STRN: variants seen among roughly 807,000 people sequenced by gnomAD.
The protein encoded by STRN is striatin, also known as protein phosphatase 2 regulatory subunit B'''alpha.
In STRN, 53 loss-of-function variants were observed where a neutral mutation model predicts 96.3. The observed-to-expected ratio is 0.55, with a 90% CI of 0.44 to 0.69. The LOEUF (loss-of-function observed/expected upper bound fraction) is 0.69, where lower values mean the gene tolerates loss of function less well. Among genes scored for constraint, STRN ranks in the 30% least tolerant of loss-of-function variants. STRN has a pLI of 0.00. For missense variants in STRN, 987 were observed against 963.9 expected, an observed-to-expected ratio of 1.02 and a Z score of -0.32; for synonymous variants, 428 against 355.9, an observed-to-expected ratio of 1.20 and a Z score of -2.28.
intron 1 of STRN, among the ~76,000 whole-genome samples, chr2:36,946,610 G>C (rs1325569112): frequency 6.6e-6 from 1 of 152,156 alleles, no homozygotes; most frequent in Non-Finnish European, 1.5e-5. Flanking sequence ...ATTGTTAATA[G>C]AATTTCTCTC....
intron 2 of STRN, among the ~76,000 whole-genome samples, chr2:36,922,802 G>C (rs1166285221): frequency 6.6e-6 from 1 of 150,538 alleles, no homozygotes; most frequent in African/African-American, 2.5e-5. Context: ...TGCTATTCAA[G>C]CCTCACCTCC....
At chr2:36,905,470 C>G in intron 4 of STRN, 70 bp downstream of exon 4, 1 of 1,339,334 alleles carries the variant, frequency 7.5e-7, no homozygotes, top group Non-Finnish European at 1.1e-6. Flanking sequence ...TGAAAATACA[C>G]AGTAAAAATA....
At chr2:36,894,183 A>T (rs1282466236) in intron 6 of STRN, 150 bp from the exon 7 acceptor site, 7 of 899,684 alleles carry the variant, frequency 7.8e-6, no homozygotes, top group Non-Finnish European at 9.4e-6. Flanking sequence ...AGTTTTAAAA[A>T]ATATGTACAT....
chr2:36,847,944 G>A lies in STRN; in HGVS notation c.*1512C>T, dbSNP rs1456131602. On this transcript the variant is annotated 3_prime_UTR_variant, in exon 18 of 18. Coordinates refer to ENST00000263918, the MANE Select transcript of STRN (RefSeq NM_003162.4). ...GAGCCTATTTATATGTTTTTTGGTG[G>A]AAAGTTGGACGTTAATAATTTATTT... The A allele has an allele frequency of 6.6e-6, 1 of 152,172 alleles. No homozygotes were observed. Among genetic ancestry groups the A allele is most frequent in the Non-Finnish European group, 1.5e-5 (1 of 68,022 alleles). The allele number at this position is 152,172 out of a possible 1,614,324, so 9.4% of individuals were successfully genotyped here. A position where few individuals can be genotyped will look rare whatever the true frequency, so the allele number is the denominator to read the frequency against.
intron 7 of STRN, among the ~76,000 whole-genome samples, chr2:36,889,630 G>A (rs950430878): frequency 1.7e-5 from 2 of 114,882 alleles, no homozygotes; most frequent in Admixed American, 1.0e-4. Flanking sequence ...GGGGGGGTGG[G>A]GGGGAGTAGA....
chr2:36,865,637 C>A (rs1668602180), intron 12 of STRN, among the ~76,000 whole-genome samples: 1 of 152,154 alleles, frequency 6.6e-6, no homozygotes, highest in Non-Finnish European at 1.5e-5. Context: ...TATCGGCTCA[C>A]TGCAACCTCT....
chr2:36,872,385 C>G (rs527274639), intron 10 of STRN, among the ~76,000 whole-genome samples: 2 of 152,184 alleles, frequency 1.3e-5, no homozygotes, highest in Non-Finnish European at 2.9e-5. Flanking sequence ...AGCTTGAAAG[C>G]AGATCCACCC....
At position 36,966,309 on chromosome 2, in the gene STRN, A is replaced by C; in HGVS notation, c.155T>G (p.Ile52Ser). 1 of 1,569,928 alleles carries C rather than the reference A, an allele frequency of 6.4e-7. No individual in the cohort carries two copies. Among genetic ancestry groups the C allele is most frequent in the Non-Finnish European group, 8.6e-7 (1 of 1,160,704 alleles). The part of the protein sequence containing the change: ...AARAQYSLPG[I>S]LHFLQHEWAR... The stretch of plus-strand genomic sequence containing the variant: ...CCACTCGTGCTGCAGGAAGTGCAGG[A>C]TCCCCGGGAGACTGTACTGGGCTCG... The change falls in exon 1 of 18, where the codon ATC becomes AGC. Residue 52 changes from isoleucine (I) to serine (S), a missense_variant. By Grantham distance (142) the Ile-to-Ser change is moderately radical. Coordinates refer to ENST00000263918, the MANE Select transcript of STRN (RefSeq NM_003162.4).
At position 36,839,641 on chromosome 2, in the gene STRN, A is replaced by C. The variant is rs1214167019; in HGVS notation, c.*9815T>G. Among the ~76,000 whole-genome samples the C allele has an allele frequency of 6.6e-6, 1 of 152,178 alleles. No homozygotes were observed. Among genetic ancestry groups the C allele is most frequent in the Non-Finnish European group, 1.5e-5 (1 of 68,028 alleles). The stretch of plus-strand genomic sequence containing the variant: ...CAATTTAGAAGAGTTGACTTGTCTA[A>C]AATCTAACAGACAATAAATGTCCTA... On this transcript the variant is annotated 3_prime_UTR_variant, in exon 18 of 18. Coordinates refer to ENST00000263918, the MANE Select transcript of STRN (RefSeq NM_003162.4).
At position 36,960,921 on chromosome 2, in the gene STRN, G is replaced by C. The variant is rs77113627; in HGVS notation, c.234+5309C>G. Among the ~76,000 whole-genome samples, 695 of 152,016 alleles carry C rather than the reference G, an allele frequency of 4.6e-3. 9 individuals carry two copies. Among genetic ancestry groups the C allele is most frequent in the African/African-American group, 0.016 (670 of 41,458 alleles). On this transcript the variant is annotated intron_variant, in intron 1 of 17. Transcript: ENST00000263918. ...TGTTTGATTGATTTGTTCTGAGACAGGGCCTCACTCTGGCACCCAGGCTAG... is the reference window on the plus strand; with the variant it reads ...TGTTTGATTGATTTGTTCTGAGACACGGCCTCACTCTGGCACCCAGGCTAG...
chr2:36,944,281 C>T (rs937754198), intron 1 of STRN, among the ~76,000 whole-genome samples: 4 of 152,108 alleles, frequency 2.6e-5, no homozygotes, highest in Non-Finnish European at 4.4e-5. Context: ...GAAGGAAAGA[C>T]TGATATCTAA....
intron 3 of STRN, among the ~76,000 whole-genome samples, chr2:36,914,834 C>G (rs1670048389): frequency 6.6e-6 from 1 of 152,100 alleles, no homozygotes; most frequent in Non-Finnish European, 1.5e-5. Context: ...TTAAATTTCA[C>G]ATATGTAAAA....
At chr2:36,951,815 C>T (rs1418064048) in intron 1 of STRN, among the ~76,000 whole-genome samples, 1 of 152,136 alleles carries the variant, frequency 6.6e-6, no homozygotes, top group African/African-American at 2.4e-5. Context: ...GGCCACTGAC[C>T]GATATGGGTC....
At chr2:36,932,215 C>T (rs1458762775) in intron 1 of STRN, among the ~76,000 whole-genome samples, 5 of 152,104 alleles carry the variant, frequency 3.3e-5, no homozygotes, top group African/African-American at 9.7e-5. Context: ...AGTACAGTGG[C>T]GTGATCTCGG....
intron 1 of STRN, among the ~76,000 whole-genome samples, chr2:36,965,388 G>C (rs1258506953): frequency 6.6e-6 from 1 of 152,158 alleles, no homozygotes; most frequent in Non-Finnish European, 1.5e-5. Flanking sequence ...TCTTTTCAGA[G>C]CCCACAGTTA....
intron 12 of STRN, among the ~76,000 whole-genome samples, chr2:36,862,493 A>T (rs537567701): frequency 7.9e-5 from 12 of 152,274 alleles, no homozygotes; most frequent in Non-Finnish European, 1.6e-4. Context: ...GCATTTCTGT[A>T]ATAATAAGTG....
rs116881981 is a variant in STRN at position 36,911,421 on chromosome 2, G to A, written c.412+4657C>T. 1.0e-3 allele frequency among the ~76,000 whole-genome samples: 154 copies of A among 152,126 alleles called. 3 individuals carry two copies. The East Asian group carries it at 0.016, about 16-fold the overall frequency. ...ATTTAGCTGGGACCTCTAGCCAGGG[G>A]CCAGCACACTACTGCCTGCATGTCA... On this transcript the variant is annotated intron_variant, in intron 3 of 17. Transcript: ENST00000263918.
intron 4 of STRN, among the ~76,000 whole-genome samples, chr2:36,905,131 G>A (rs970985125): frequency 1.3e-5 from 2 of 151,896 alleles, no homozygotes; most frequent in African/African-American, 4.8e-5. Flanking sequence ...CACCACGCCC[G>A]GCTAATTTTG....
At chr2:36,910,160 C>T (rs1347778409) in intron 3 of STRN, among the ~76,000 whole-genome samples, 3 of 132,802 alleles carry the variant, frequency 2.3e-5, no homozygotes, top group African/African-American at 3.2e-5. Context: ...GGGACAAGAG[C>T]GAGACTTTGT....
Sources: gnomAD v4.1 joint callset for allele counts (sites outside exome capture counted in the v4.1 genomes callset) on GRCh38, gnomAD v4.1.1 for gene constraint, MANE v1.5 for transcripts, NCBI Gene and HGNC (gene_info 2026-07-23, HGNC 2026-07-21) for gene names.